Variants in TRDN observed in about 807,000 individuals in gnomAD.
The protein encoded by TRDN is triadin in skeletal muscle.
In TRDN, 161 loss-of-function variants were observed where a neutral mutation model predicts 149.7. The observed-to-expected ratio is 1.08, with a 90% CI of 0.95 to 1.23. The LOEUF (loss-of-function observed/expected upper bound fraction) is 1.23, where lower values mean the gene tolerates loss of function less well. TRDN is among the 50% of genes most tolerant of loss of function. The probability of loss-of-function intolerance (pLI) is 0.00; values close to 1 mark genes in which losing one functional copy is unlikely to be tolerated. For missense variants in TRDN, 896 were observed against 823.5 expected (o/e 1.09, Z -1.08); for synonymous variants, 294 against 250.5 (o/e 1.17, Z -1.64).
At chr6:123,473,219 C>A (rs1777278481) in intron 9 of TRDN, among the ~76,000 whole-genome samples, 1 of 152,022 alleles carries the variant, frequency 6.6e-6, no homozygotes, top group Non-Finnish European at 1.5e-5. Flanking sequence ...GAATGTATAA[C>A]TAGAATAACC....
At chr6:123,417,549 A>G (rs1773708072) in intron 12 of TRDN, among the ~76,000 whole-genome samples, 1 of 152,182 alleles carries the variant, frequency 6.6e-6, no homozygotes, top group Non-Finnish European at 1.5e-5. Context: ...TATAAAGCGA[A>G]ATCACAAAGG....
At chr6:123,540,310 T>C (rs1780762403) in intron 4 of TRDN, among the ~76,000 whole-genome samples, 2 of 152,130 alleles carry the variant, frequency 1.3e-5, no homozygotes, top group African/African-American at 4.8e-5. Flanking sequence ...TAAGATAATT[T>C]TGGCCTCAAC....
intron 9 of TRDN, among the ~76,000 whole-genome samples, chr6:123,491,224 T>G (rs2153135): frequency 6.6e-6 from 1 of 152,014 alleles, no homozygotes; most frequent in African/African-American, 2.4e-5. Context: ...ACCATCAAGG[T>G]TTATAAAAAT....
intron 14 of TRDN, among the ~76,000 whole-genome samples, chr6:123,386,665 C>G (rs753568918): frequency 6.6e-6 from 1 of 152,222 alleles, no homozygotes; most frequent in Non-Finnish European, 1.5e-5. Flanking sequence ...AGCTTCTCAT[C>G]ACCTCCTGAT....
intron 38 of TRDN, among the ~76,000 whole-genome samples, chr6:123,232,690 A>G (rs61672384): frequency 0.053 from 8,071 of 152,092 alleles, 636 homozygotes; most frequent in African/African-American, 0.18. Flanking sequence ...TCTTGATATG[A>G]GAATGGGAGG....
chr6:123,571,499 T>C (rs887165376), intron 1 of TRDN, among the ~76,000 whole-genome samples: 1 of 151,810 alleles, frequency 6.6e-6, no homozygotes. Context: ...GTTTTGTTTG[T>C]TTGTTTGTTT....
At chr6:123,328,949 C>T (rs572880298) in intron 23 of TRDN, among the ~76,000 whole-genome samples, 2 of 152,206 alleles carry the variant, frequency 1.3e-5, no homozygotes, top group East Asian at 3.9e-4. Context: ...GTTTTTCAAC[C>T]AAGTAAATGT....
At chr6:123,553,754 T>A (rs1032742018) in intron 2 of TRDN, among the ~76,000 whole-genome samples, 4 of 152,038 alleles carry the variant, frequency 2.6e-5, no homozygotes, top group African/African-American at 9.7e-5. Flanking sequence ...AACCATCAGA[T>A]CTCAGGAGAC....
chr6:123,273,221 A>G (rs901043453), intron 28 of TRDN, 116 bp downstream of exon 28: 31 of 873,340 alleles, frequency 3.5e-5, no homozygotes, highest in Non-Finnish European at 5.2e-5. Flanking sequence ...TTTTCAAAAC[A>G]CAGGCTGTAA....
rs1248381396 is a variant in TRDN, at chr6:123,497,039, C to T, written c.853+154G>A. On this transcript the variant is annotated intron_variant, in intron 9 of 40. Coordinates refer to ENST00000334268, the MANE Select transcript of TRDN (RefSeq NM_006073.4). ...TGAAAGTAAAATTAAGACCTTAATG[C>T]CAGTTATTACCGCTTTTTATTGGTT... Among the ~76,000 whole-genome samples, 7 of 151,786 alleles carry T rather than the reference C, an allele frequency of 4.6e-5. No individual in the cohort carries two copies. In the East Asian group the frequency reaches 1.4e-3, roughly 29 times the overall value.
intron 21 of TRDN, among the ~76,000 whole-genome samples, chr6:123,345,071 T>TC (rs1365023288): frequency 1.3e-5 from 2 of 152,030 alleles, no homozygotes; most frequent in Admixed American, 6.6e-5. Context: ...ATATTTTTTT[T>TC]CTTTCATGGA....
chr6:123,319,459 C>CTA (rs904182321), intron 23 of TRDN, among the ~76,000 whole-genome samples: 16 of 151,758 alleles, frequency 1.1e-4, no homozygotes, highest in African/African-American at 3.4e-4. Flanking sequence ...ATAAAAACAA[C>CTA]TATATATATA....
intron 20 of TRDN, among the ~76,000 whole-genome samples, chr6:123,354,892 T>C (rs1000378851): frequency 6.6e-6 from 1 of 151,680 alleles, no homozygotes; most frequent in Admixed American, 6.6e-5. Flanking sequence ...CCTTACATTG[T>C]AACAATAAAA....
chr6:123,416,214 T>C (rs1177401774), intron 12 of TRDN, among the ~76,000 whole-genome samples: 1 of 152,158 alleles, frequency 6.6e-6, no homozygotes, highest in Non-Finnish European at 1.5e-5. Context: ...ACTTTTATAA[T>C]TGCTTAAAAT....
chr6:123,250,384 C>T (rs1776332043), intron 38 of TRDN, among the ~76,000 whole-genome samples: 1 of 151,960 alleles, frequency 6.6e-6, no homozygotes, highest in South Asian at 2.1e-4. Flanking sequence ...GCCCCAAAAC[C>T]CACTCCTACC....
intron 22 of TRDN, among the ~76,000 whole-genome samples, chr6:123,333,595 G>A (rs1302789705): frequency 1.3e-5 from 2 of 151,934 alleles, no homozygotes; most frequent in African/African-American, 4.8e-5. Context: ...TTGTCCTCAG[G>A]GGCTTTTGTC....
At position 123,216,642 on chromosome 6, in the gene TRDN, TTTTA is replaced by T. The variant is rs1409133504; in HGVS notation, c.*1955_*1958del. 1.3e-5 allele frequency: 2 copies of T among 151,934 alleles called. No individual in the cohort carries two copies. The highest frequency in any genetic ancestry group is 6.6e-5 in the Admixed American group (1 of 15,208). The allele number at this position is 151,934 out of a possible 1,614,324, so 9.4% of individuals were successfully genotyped here. Reference sequence around the variant, plus strand: ...TTAATATCATATTTATATTAAAATATTTTATTTGTCTCCATGGTATTTCTATGAG... The same window carrying T: ...TTAATATCATATTTATATTAAAATATTTTGTCTCCATGGTATTTCTATGAG... On this transcript the variant is annotated 3_prime_UTR_variant, in exon 41 of 41. Coordinates refer to ENST00000334268, the MANE Select transcript of TRDN (RefSeq NM_006073.4).
At chr6:123,278,241 T>C (rs1777446565) in intron 26 of TRDN, 77 bp downstream of exon 26, 4 of 1,001,862 alleles carry the variant, frequency 4.0e-6, no homozygotes, top group Non-Finnish European at 5.5e-6. Flanking sequence ...TACTAGGACA[T>C]GACATTTGCA....
chr6:123,368,092 C>T (rs181547483), intron 19 of TRDN, among the ~76,000 whole-genome samples: 2 of 152,274 alleles, frequency 1.3e-5, no homozygotes, highest in East Asian at 3.9e-4. Flanking sequence ...TCACTAAGGC[C>T]ACTGTATCCC....
Sources: allele counts gnomAD v4.1 joint callset (sites outside exome capture counted in the v4.1 genomes callset), GRCh38; gene constraint gnomAD v4.1.1; transcripts MANE v1.5; gene names NCBI Gene and HGNC (gene_info 2026-07-23, HGNC 2026-07-21).